POU2F1: variants seen among roughly 807,000 people sequenced by gnomAD.
The protein encoded by POU2F1 is POU domain, class 2, transcription factor 1.
A neutral mutation model predicts 84.9 loss-of-function variants in POU2F1; 16 were observed. The observed-to-expected ratio is 0.19, with a 90% CI of 0.13 to 0.29. The LOEUF is 0.29. POU2F1 is among the 10% of genes least tolerant of loss of function. The pLI is 1.00. For synonymous variants in POU2F1, 368 were observed against 368.3 expected, an observed-to-expected ratio of 1.00 and a Z score of 0.01; for missense variants, 738 against 942.6, an observed-to-expected ratio of 0.78 and a Z score of 2.84.
intron 1 of POU2F1, among the ~76,000 whole-genome samples, chr1:167,234,413 C>G (rs1192986155): frequency 6.6e-6 from 1 of 152,146 alleles, no homozygotes; most frequent in African/African-American, 2.4e-5. Context: ...CCCATACATT[C>G]TCAACATTTT....
At chr1:167,351,080 T>C (rs1048840809) in intron 2 of POU2F1, among the ~76,000 whole-genome samples, 159 of 152,158 alleles carry the variant, frequency 1.0e-3, no homozygotes, top group African/African-American at 3.6e-3. Flanking sequence ...TGGCCAGTCA[T>C]GGTGGCTCAC....
chr1:167,305,524 T>C (rs1655003369), intron 1 of POU2F1, among the ~76,000 whole-genome samples: 1 of 152,192 alleles, frequency 6.6e-6, no homozygotes, highest in South Asian at 2.1e-4. Context: ...AAATACCTCT[T>C]TTAATAGCTC....
At chr1:167,318,540 A>G (rs1162327563) in intron 1 of POU2F1, among the ~76,000 whole-genome samples, 2 of 152,144 alleles carry the variant, frequency 1.3e-5, no homozygotes, top group Admixed American at 6.5e-5. Flanking sequence ...CCTGTTTACA[A>G]ATTTGTTTTT....
At chr1:167,413,242 A>G in intron 15 of POU2F1, 128 bp downstream of exon 15, 4 of 817,270 alleles carry the variant, frequency 4.9e-6, no homozygotes. Context: ...AGTGATGGGA[A>G]AGAGTCAAAT....
In POU2F1 at chr1:167,415,487, T is replaced by G. The variant is rs1353639317; in HGVS notation, c.1991-13T>G. On this transcript the variant is annotated splice_polypyrimidine_tract_variant and intron_variant, in intron 15 of 15. Coordinates refer to ENST00000367866, the MANE Select transcript of POU2F1 (RefSeq NM_002697.4). ...TTTCATTCCTGCCTGTTTTGGGGGG[T>G]TTTTGTCTGTAGCTCTTGCTTCTGG... 1 of 1,608,138 alleles carries G rather than the reference T, an allele frequency of 6.2e-7. No individual in the cohort carries two copies.
In POU2F1 at chr1:167,289,891, T is replaced by A. The variant is rs139418626; in HGVS notation, c.62-42579T>A. 3.3e-4 allele frequency among the ~76,000 whole-genome samples: 51 copies of A among 152,338 alleles called. 2 individuals are homozygous for A. In the South Asian group the frequency reaches 5.6e-3, roughly 17 times the overall value. ...AACATTTAAATATTTGCCAAATTAG[T>A]TGAATTATAAATCTACATTTTTACA... On this transcript the variant is annotated intron_variant, in intron 1 of 15. Coordinates refer to ENST00000367866, the MANE Select transcript of POU2F1 (RefSeq NM_002697.4).
chr1:167,231,281 G>A (rs905658087), intron 1 of POU2F1, among the ~76,000 whole-genome samples: 1 of 151,920 alleles, frequency 6.6e-6, no homozygotes, highest in Non-Finnish European at 1.5e-5. Flanking sequence ...CATCTTTTGG[G>A]TGAAGACCAG....
chr1:167,382,608 T>C (rs913379526), intron 7 of POU2F1, among the ~76,000 whole-genome samples: 4 of 152,180 alleles, frequency 2.6e-5, no homozygotes, highest in African/African-American at 9.7e-5. Context: ...TATATGGAGA[T>C]TGAACTATAG....
chr1:167,299,575 T>C (rs1191862138), intron 1 of POU2F1, among the ~76,000 whole-genome samples: 1 of 152,184 alleles, frequency 6.6e-6, no homozygotes, highest in Non-Finnish European at 1.5e-5. Flanking sequence ...AAACAAACAC[T>C]TGATTTTCGC....
At position 167,321,730 on chromosome 1, in the gene POU2F1, T is replaced by G. The variant is rs190433056; in HGVS notation, c.62-10740T>G. Among the ~76,000 whole-genome samples, 5 of 152,328 alleles carry G rather than the reference T, an allele frequency of 3.3e-5. 1 individual carries two copies. In the East Asian group the frequency reaches 9.6e-4, roughly 29 times the overall value. On this transcript the variant is annotated intron_variant, in intron 1 of 15. Coordinates refer to ENST00000367866, the MANE Select transcript of POU2F1 (RefSeq NM_002697.4). Reference sequence around the variant, plus strand: ...ATGGCCACCATCAAAAATGATACCCTAAACCTTGGCAGGAACTTTGTCTTT... The same window carrying G: ...ATGGCCACCATCAAAAATGATACCCGAAACCTTGGCAGGAACTTTGTCTTT...
At chr1:167,379,511 A>G (rs572955243) in intron 7 of POU2F1, 2 of 152,326 alleles carry the variant, frequency 1.3e-5, no homozygotes, top group South Asian at 4.1e-4. Context: ...CAGAGAAAAT[A>G]TATATGTAGT....
chr1:167,364,774 G>A (rs796108813), intron 2 of POU2F1, among the ~76,000 whole-genome samples: 1 of 151,526 alleles, frequency 6.6e-6, no homozygotes, highest in African/African-American at 2.4e-5. Context: ...TCACCATGCT[G>A]CCCAAGCTGA....
chr1:167,239,991 G>T (rs936799022), intron 1 of POU2F1, among the ~76,000 whole-genome samples: 1 of 145,514 alleles, frequency 6.9e-6, no homozygotes, highest in African/African-American at 2.5e-5. Flanking sequence ...TTATGGAAAG[G>T]CTTTTTTGAC....
chr1:167,265,403 A>G (rs998471984), intron 1 of POU2F1, among the ~76,000 whole-genome samples: 1 of 152,192 alleles, frequency 6.6e-6, no homozygotes, highest in Non-Finnish European at 1.5e-5. Flanking sequence ...ATGAAATGTC[A>G]TTGTTAGCTA....
intron 10 of POU2F1, chr1:167,396,686 AACACACACAC>A (rs34119749): frequency 9.2e-6 from 3 of 325,438 alleles, no homozygotes; most frequent in East Asian, 1.1e-4. Flanking sequence ...CAGGATTAGG[AACACACACAC>A]ACACACACAC....
chr1:167,369,494 A>G (rs1659877135), intron 3 of POU2F1, among the ~76,000 whole-genome samples: 1 of 152,208 alleles, frequency 6.6e-6, no homozygotes, highest in African/African-American at 2.4e-5. Flanking sequence ...CATAGTTATT[A>G]TCATAGTTGC....
intron 8 of POU2F1, among the ~76,000 whole-genome samples, chr1:167,385,182 T>TA (rs1481701936): frequency 1.3e-5 from 2 of 152,028 alleles, no homozygotes; most frequent in African/African-American, 4.8e-5. Context: ...TGCATAAAAT[T>TA]AAAGACCTAT....
intron 1 of POU2F1, among the ~76,000 whole-genome samples, chr1:167,268,908 T>G (rs1330469386): frequency 6.6e-6 from 1 of 152,256 alleles, no homozygotes; most frequent in Non-Finnish European, 1.5e-5. Flanking sequence ...TTAAAAATCC[T>G]GTATTTTTAA....
intron 9 of POU2F1, among the ~76,000 whole-genome samples, chr1:167,391,641 C>T (rs1443240059): frequency 4.5e-5 from 6 of 132,206 alleles, no homozygotes; most frequent in African/African-American, 1.4e-4. Context: ...ATGATCACGG[C>T]TCACTGCAGC....
Sources: gnomAD v4.1 joint callset for allele counts (sites outside exome capture counted in the v4.1 genomes callset) on GRCh38, gnomAD v4.1.1 for gene constraint, MANE v1.5 for transcripts, NCBI Gene and HGNC (gene_info 2026-07-23, HGNC 2026-07-21) for gene names.